Variants in RABGAP1 observed in about 807,000 individuals in gnomAD.
The protein encoded by RABGAP1 is RAB GTPase activating protein 1, also known as rab GTPase-activating protein 1.
RABGAP1 carries 23 observed loss-of-function variants against 137.6 expected under a neutral mutation model. That is an observed-to-expected ratio of 0.17 (90% confidence interval 0.12 to 0.24). The LOEUF (loss-of-function observed/expected upper bound fraction) is 0.24. RABGAP1 is among the 10% of genes least tolerant of loss of function. The pLI, the probability that RABGAP1 is intolerant of heterozygous loss-of-function variation, is 1.00. For synonymous variants in RABGAP1, 451 were observed against 450.7 expected, an observed-to-expected ratio of 1.00 and a Z score of -0.01; for missense variants, 906 against 1,275.8, an observed-to-expected ratio of 0.71 and a Z score of 4.42.
chr9:123,014,872 A>G (rs1437003185), intron 11 of RABGAP1, among the ~76,000 whole-genome samples: 1 of 152,126 alleles, frequency 6.6e-6, no homozygotes, highest in Non-Finnish European at 1.5e-5. Context: ...AAAGAGAAGA[A>G]TGAGTGCCAG....
At chr9:123,046,565 A>G (rs1047691300) in intron 13 of RABGAP1, among the ~76,000 whole-genome samples, 2 of 152,208 alleles carry the variant, frequency 1.3e-5, no homozygotes, top group African/African-American at 2.4e-5. Context: ...CAGTTGTCTT[A>G]ACTAATGACA....
At chr9:123,039,683 A>G (rs1163985749) in intron 13 of RABGAP1, among the ~76,000 whole-genome samples, 1 of 152,218 alleles carries the variant, frequency 6.6e-6, no homozygotes, top group Admixed American at 6.5e-5. Flanking sequence ...AGAGAACTTC[A>G]GGCAGTGCTT....
chr9:123,076,202 G>T, intron 17 of RABGAP1, 43 bp from the exon 18 acceptor site: 1 of 1,577,930 alleles, frequency 6.3e-7, no homozygotes, highest in Non-Finnish European at 8.7e-7. Context: ...TAATAGTCGA[G>T]ATATAAAAAC....
intron 13 of RABGAP1, chr9:123,034,351 A>G (rs2032487565): frequency 1.8e-6 from 1 of 568,318 alleles, no homozygotes; most frequent in Non-Finnish European, 3.1e-6. Flanking sequence ...CTGGCCAGAC[A>G]ACTGCTGCTG....
chr9:123,095,391 A>C (rs1030857194), intron 21 of RABGAP1, among the ~76,000 whole-genome samples: 1 of 152,160 alleles, frequency 6.6e-6, no homozygotes, highest in African/African-American at 2.4e-5. Context: ...CTTCTTTTCT[A>C]AAATAAGCAT....
intron 4 of RABGAP1, among the ~76,000 whole-genome samples, chr9:122,988,590 G>A (rs762516053): frequency 6.7e-6 from 1 of 150,292 alleles, no homozygotes; most frequent in Non-Finnish European, 1.5e-5. Context: ...CTGAGAAAAA[G>A]CATCAGTTTT....
chr9:123,101,829 A>C (rs1006963193), intron 25 of RABGAP1, 66 bp downstream of exon 25: 15 of 1,446,064 alleles, frequency 1.0e-5, no homozygotes, highest in Non-Finnish European at 1.3e-5. Flanking sequence ...TAGAGACCCC[A>C]GAAATTATCT....
intron 13 of RABGAP1, among the ~76,000 whole-genome samples, chr9:123,038,255 A>G (rs1035246918): frequency 3.9e-5 from 6 of 152,178 alleles, no homozygotes; most frequent in African/African-American, 1.4e-4. Flanking sequence ...TCCATTTTGG[A>G]AAAGGTTTTC....
In RABGAP1 at chr9:123,099,529, G is replaced by A; in HGVS notation, c.2869G>A (p.Val957Met). 1.2e-6 allele frequency: 2 copies of A among 1,612,446 alleles called. No individual in the cohort carries two copies. The highest frequency in any genetic ancestry group is 4.5e-5 in the East Asian group (2 of 44,870). Residue 957 changes from valine to methionine, a missense_variant, in exon 24 of 26, where the codon GTG becomes ATG. Around this residue, in one of 9 missense-constraint regions of RABGAP1, gnomAD observed 193 missense variants for 248.1 expected, o/e 0.78. Transcript: ENST00000373647. ...GGAGAAGCAGCAGACAGCCAATAAGGTGGAAATTGAGAAAATTCGGGTAAG... is the reference window on the plus strand; with the variant it reads ...GGAGAAGCAGCAGACAGCCAATAAGATGGAAATTGAGAAAATTCGGGTAAG... ...RLEKQQTANK[V>M]EIEKIRQKVD...
rs567935558 is a variant in RABGAP1 at position 123,004,516 on chromosome 9, C to G, written c.1374+5750C>G. Among the ~76,000 whole-genome samples the G allele has an allele frequency of 7.9e-5, 12 of 152,124 alleles. No individual in the cohort carries two copies. In the South Asian group the frequency reaches 2.1e-3, roughly 26 times the overall value. Reference sequence around the variant, plus strand: ...CCCAGGCTGGTCTCAAACTGGAGTTCAAATGATACTCCCACCTCAGCCTCC... The same window carrying G: ...CCCAGGCTGGTCTCAAACTGGAGTTGAAATGATACTCCCACCTCAGCCTCC... On this transcript the variant is annotated intron_variant, in intron 10 of 25. Coordinates refer to ENST00000373647, the MANE Select transcript of RABGAP1 (RefSeq NM_012197.4).
At chr9:123,009,490 C>T (rs1009751097) in intron 10 of RABGAP1, among the ~76,000 whole-genome samples, 3 of 152,076 alleles carry the variant, frequency 2.0e-5, no homozygotes, top group Admixed American at 6.6e-5. Context: ...TGTATAGCCA[C>T]CTTTCTAGTT....
At chr9:123,043,375 T>C (rs2033046049) in intron 13 of RABGAP1, among the ~76,000 whole-genome samples, 1 of 151,846 alleles carries the variant, frequency 6.6e-6, no homozygotes, top group African/African-American at 2.4e-5. Flanking sequence ...TCTAGGAAAA[T>C]ATAGTTGGGA....
intron 21 of RABGAP1, among the ~76,000 whole-genome samples, chr9:123,096,511 G>A (rs2035187629): frequency 6.6e-6 from 1 of 152,218 alleles, no homozygotes; most frequent in African/African-American, 2.4e-5. Context: ...TGCATTTGCA[G>A]TTTGCCAGTA....
chr9:122,974,415 CTTTTTTTTTTTTTT>C (rs11331973), intron 2 of RABGAP1, among the ~76,000 whole-genome samples: 10 of 58,220 alleles, frequency 1.7e-4, no homozygotes, highest in African/African-American at 6.9e-4. Flanking sequence ...ATGGCTTTGT[CTTTTTTTTTTTTTT>C]TTTTTTTTTT....
At chr9:123,017,190 CAG>C (rs2031294521) in intron 12 of RABGAP1, among the ~76,000 whole-genome samples, 1 of 152,174 alleles carries the variant, frequency 6.6e-6, no homozygotes, top group Admixed American at 6.5e-5. Flanking sequence ...TGCTCTAAAA[CAG>C]AAACATAATT....
At chr9:123,032,606 A>G (rs939230248) in intron 13 of RABGAP1, among the ~76,000 whole-genome samples, 3 of 152,196 alleles carry the variant, frequency 2.0e-5, no homozygotes, top group African/African-American at 7.2e-5. Flanking sequence ...TGAAAGTTGG[A>G]TCACATGTTT....
Position 123,043,842 on chromosome 9 carries a change from A to G in RABGAP1, c.1795-21506A>G, listed in dbSNP as rs575046892. 5.9e-5 allele frequency among the ~76,000 whole-genome samples: 9 copies of G among 152,082 alleles called. No homozygotes were observed. In the South Asian group the frequency reaches 1.7e-3, roughly 28 times the overall value. ...GGAATAGGGTATGAAGAGTGAAGGG[A>G]ATTTCATTGTAAGCTTTGTACTGTT... is the stretch of plus-strand genomic sequence containing the variant. On this transcript the variant is annotated intron_variant, in intron 13 of 25. Transcript: ENST00000373647.
At position 123,099,556 on chromosome 9, in the gene RABGAP1, C is replaced by T. The variant is rs1297566614; in HGVS notation, c.2889+7C>T. On this transcript the variant is annotated splice_region_variant and intron_variant, in intron 24 of 25. Transcript: ENST00000373647. The stretch of plus-strand genomic sequence containing the variant: ...GGAAATTGAGAAAATTCGGGTAAGA[C>T]TTCTCTTTACCTAAAAGATTTTATA... 6.3e-7 allele frequency: 1 copy of T among 1,595,020 alleles called. No homozygotes were observed. The highest frequency in any genetic ancestry group is 8.6e-7 in the Non-Finnish European group (1 of 1,162,882).
chr9:123,073,715 T>C (rs2132150009), intron 16 of RABGAP1, 38 bp downstream of exon 16: 1 of 1,612,434 alleles, frequency 6.2e-7, no homozygotes. Context: ...ACAAAAAGAG[T>C]ACAGGACTAA....
Sources: gnomAD v4.1 joint callset for allele counts (sites outside exome capture counted in the v4.1 genomes callset) on GRCh38, gnomAD v4.1.1 for gene constraint, gnomAD v4.1.1 regional missense constraint, MANE v1.5 for transcripts, NCBI Gene and HGNC (gene_info 2026-07-23, HGNC 2026-07-21) for gene names.